The following HMCN2 variants were observed in gnomAD, a reference collection of about 807,000 sequenced individuals.
The protein encoded by HMCN2 is hemicentin 2.
HMCN2 carries 325 observed loss-of-function variants against 377.5 expected under a neutral mutation model. The observed-to-expected ratio is 0.86, with a 90% confidence interval of 0.79 to 0.94. HMCN2 has a LOEUF of 0.94. Ranked by LOEUF, HMCN2 falls within the 40% of genes least tolerant of loss-of-function variation. HMCN2 has a pLI of 0.00. For synonymous variants in HMCN2, 2,007 were observed against 2,046.8 expected, an observed-to-expected ratio of 0.98 and a Z score of 0.53; for missense variants, 4,543 against 4,725.3, an observed-to-expected ratio of 0.96 and a Z score of 1.13.
Position 130,346,178 on chromosome 9 carries a change from G to A in HMCN2, c.3830-988G>A, listed in dbSNP as rs954671207. ...AGCGCTGGCGGAGGTCAGGGGGCAGGTGAGAGCTAGGGCCAGGATGGCAGC... is the reference window on the plus strand; with the variant it reads ...AGCGCTGGCGGAGGTCAGGGGGCAGATGAGAGCTAGGGCCAGGATGGCAGC... On this transcript the variant is annotated intron_variant, in intron 25 of 97. Coordinates refer to ENST00000683500, the MANE Select transcript of HMCN2 (RefSeq NM_001291815.2). Among the ~76,000 whole-genome samples, 199 of 152,240 alleles carry A rather than the reference G, an allele frequency of 1.3e-3. 1 individual carries two copies. Among genetic ancestry groups the A allele is most frequent in the African/African-American group, 4.2e-3 (173 of 41,532 alleles).
intron 49 of HMCN2, among the ~76,000 whole-genome samples, chr9:130,375,246 C>T (rs930614820): frequency 3.9e-5 from 6 of 152,236 alleles, no homozygotes; most frequent in African/African-American, 1.4e-4. Context: ...ACTCCCCCCT[C>T]AAACAGAATT....
At chr9:130,314,218 T>C (rs2131377594) in intron 15 of HMCN2, among the ~76,000 whole-genome samples, 1 of 152,246 alleles carries the variant, frequency 6.6e-6, no homozygotes, top group South Asian at 2.1e-4. Flanking sequence ...TCTCCGGCCA[T>C]CCTTTGGGGA....
In HMCN2 at chr9:130,365,656, C is replaced by T. The variant is rs530847959; in HGVS notation, c.6434C>T (p.Ala2145Val). The T allele has an allele frequency of 3.3e-4, 321 of 986,006 alleles. 1 individual carries two copies. Among genetic ancestry groups the T allele is most frequent in the African/African-American group, 1.2e-3 (66 of 57,358 alleles). The allele number at this position is 986,006 out of a possible 1,614,324, so 61.1% of individuals were successfully genotyped here. A position where few individuals can be genotyped will look rare whatever the true frequency, so the allele number is the denominator to read the frequency against. Reference protein sequence around the residue: ...LQVDRADVWDAGHYTCEALNQ... With the variant: ...LQVDRADVWDVGHYTCEALNQ... ...GTGGACAGAGCCGATGTGTGGGATGCGGGCCATTACACCTGTGAGGCACTG... is the reference window on the plus strand; with the variant it reads ...GTGGACAGAGCCGATGTGTGGGATGTGGGCCATTACACCTGTGAGGCACTG... The change falls in exon 42 of 98, where the codon GCG (alanine) becomes GTG (valine). Residue 2145 changes from alanine to valine, a missense_variant. Physicochemically the swap from Ala to Val is moderately conservative, Grantham distance 64. Around this residue, in one of 5 missense-constraint regions of HMCN2, gnomAD observed 1,032 missense variants for 1,285.1 expected, o/e 0.80. Transcript: ENST00000683500.
chr9:130,392,910 G>A (rs1281176414), intron 66 of HMCN2, among the ~76,000 whole-genome samples: 3 of 151,994 alleles, frequency 2.0e-5, no homozygotes, highest in Non-Finnish European at 4.4e-5. Flanking sequence ...GCAGGAGAAT[G>A]GCGTGAACCC....
intron 60 of HMCN2, 87 bp downstream of exon 60, chr9:130,385,849 C>A: frequency 2.1e-6 from 2 of 971,936 alleles, no homozygotes; most frequent in Non-Finnish European, 2.8e-6. Context: ...GGAAGGTGGG[C>A]AGGATGTGAG....
At chr9:130,431,521 TG>T in intron 96 of HMCN2, 35 bp downstream of exon 96, 1 of 1,543,104 alleles carries the variant, frequency 6.5e-7, no homozygotes. Flanking sequence ...CAAACACCCG[TG>T]GGGCTAGGGC....
In HMCN2 at chr9:130,386,486, C is replaced by T; in HGVS notation, c.9353C>T (p.Ala3118Val). ...GLYSCKVSNV[A>V]GEAVRTFTLT... ...TACAGCTGTAAAGTCAGCAACGTGG[C>T]TGGGGAGGCCGTGCGGACCTTCACC... Residue 3118 changes from alanine to valine, a missense_variant, in exon 61 of 98, where the codon GCT (alanine) becomes GTT (valine). By Grantham distance (64) the Ala-to-Val change is moderately conservative (BLOSUM62 0). This residue lies in a region of HMCN2 where 736 missense variants were observed against 773.2 expected (regional missense o/e 0.95). Transcript: ENST00000683500. 7.7e-7 allele frequency: 1 copy of T among 1,303,848 alleles called. No individual in the cohort carries two copies. Among genetic ancestry groups the T allele is most frequent in the Non-Finnish European group, 1.0e-6 (1 of 988,862 alleles). 80.8% of individuals were successfully genotyped at this position (1,303,848 alleles called of 1,614,324 possible). A position where few individuals can be genotyped will look rare whatever the true frequency, so the allele number is the denominator to read the frequency against.
intron 8 of HMCN2, among the ~76,000 whole-genome samples, chr9:130,300,079 C>G (rs1465705201): frequency 6.6e-6 from 1 of 151,508 alleles, no homozygotes; most frequent in East Asian, 2.0e-4. Context: ...ATCCACTCAC[C>G]CATCCACTCA....
chr9:130,424,659 C>G, intron 87 of HMCN2, 117 bp from the exon 88 acceptor site: 1 of 1,098,410 alleles, frequency 9.1e-7, no homozygotes, highest in Non-Finnish European at 1.2e-6. Context: ...GTATGGACAT[C>G]AAGGGAAGGG....
At chr9:130,311,988 G>C (rs937875433) in intron 15 of HMCN2, among the ~76,000 whole-genome samples, 1 of 152,196 alleles carries the variant, frequency 6.6e-6, no homozygotes, top group Non-Finnish European at 1.5e-5. Context: ...CGCTTCTAGG[G>C]TGTTTGCCAG....
intron 73 of HMCN2, among the ~76,000 whole-genome samples, chr9:130,397,292 C>T (rs751791314): frequency 2.0e-5 from 3 of 152,166 alleles, no homozygotes; most frequent in South Asian, 2.1e-4. Flanking sequence ...TTCACTATCA[C>T]GAGATCAGCA....
At position 130,335,395 on chromosome 9, in the gene HMCN2, C is replaced by T. The variant is rs1177738265; in HGVS notation, c.3360-2499C>T. Among the ~76,000 whole-genome samples the T allele has an allele frequency of 3.9e-5, 6 of 152,094 alleles. No homozygotes were observed. In the South Asian group the frequency reaches 6.2e-4, roughly 16 times the overall value. On this transcript the variant is annotated intron_variant, in intron 22 of 97. Transcript: ENST00000683500. ...TGGAGTGGCAGACAGAGGAGAGCTA[C>T]GCAGGGGAAATGTTTACCCATTGCC...
chr9:130,293,279 GTTTTTTT>G (rs71387339), intron 4 of HMCN2, among the ~76,000 whole-genome samples: 3 of 57,122 alleles, frequency 5.3e-5, no homozygotes, highest in South Asian at 8.3e-4. Context: ...ACTCACTAAA[GTTTTTTT>G]TTTTTTTTTT....
At chr9:130,288,000 A>G (rs545907835) in intron 4 of HMCN2, among the ~76,000 whole-genome samples, 32 of 152,318 alleles carry the variant, frequency 2.1e-4, no homozygotes, top group African/African-American at 6.7e-4. Context: ...GCGACACTTT[A>G]GGCTTCATTT....
Position 130,357,982 on chromosome 9 carries a change from C to A in HMCN2, c.5574C>A (p.Asn1858Lys). ...TAGCCCTGGCAGCCTTTGGGGGGAA[C>A]CTACAGGTATGTGCAGGGGCCCCAG... is the stretch of plus-strand genomic sequence containing the variant. ...DGVALAAFGG[N>K]LQIEKVDLRD... The change falls in exon 35 of 98, where the codon AAC (asparagine) becomes AAA (lysine). Residue 1858 changes from asparagine to lysine, a missense_variant. Coordinates refer to ENST00000683500, the MANE Select transcript of HMCN2 (RefSeq NM_001291815.2). 2 of 1,303,836 alleles carry A rather than the reference C, an allele frequency of 1.5e-6. No individual in the cohort carries two copies. The highest frequency in any genetic ancestry group is 1.2e-5 in the South Asian group (1 of 81,002). The allele number at this position is 1,303,836 out of a possible 1,614,324, so 80.8% of individuals were successfully genotyped here. A position where few individuals can be genotyped will look rare whatever the true frequency, so the allele number is the denominator to read the frequency against.
At chr9:130,385,856 T>C (rs1841998358) in intron 60 of HMCN2, 94 bp downstream of exon 60, 1 of 862,944 alleles carries the variant, frequency 1.2e-6, no homozygotes, top group Non-Finnish European at 1.6e-6. Flanking sequence ...GGGCAGGATG[T>C]GAGTTGCTGC....
intron 77 of HMCN2, 143 bp downstream of exon 77, chr9:130,401,090 C>A: frequency 1.6e-6 from 1 of 637,024 alleles, no homozygotes; most frequent in Non-Finnish European, 2.3e-6. Flanking sequence ...TGGGAGGACC[C>A]TCTCGCCCTC....
At chr9:130,427,841 G>A (rs1844478122) in intron 92 of HMCN2, among the ~76,000 whole-genome samples, 1 of 152,194 alleles carries the variant, frequency 6.6e-6, no homozygotes, top group Non-Finnish European at 1.5e-5. Flanking sequence ...GTATCAGGGG[G>A]TGATGGGCAG....
Position 130,351,747 on chromosome 9 carries a change from G to A in HMCN2, c.4585+170G>A, listed in dbSNP as rs888663098. On this transcript the variant is annotated intron_variant, in intron 30 of 97. Transcript: ENST00000683500. This position sits in a 1 kb window ranked among gnomAD's most constrained non-coding sequence, Gnocchi z 5.4. ...GTCGGGGTTGGGGTCAGGGTCAGGG[G>A]ATAGAGGTTATCTGGCCCAGCATTT... Among the ~76,000 whole-genome samples, 2 of 152,112 alleles carry A rather than the reference G, an allele frequency of 1.3e-5. No homozygotes were observed. The highest frequency in any genetic ancestry group is 2.4e-5 in the African/African-American group (1 of 41,406).
Sources: gnomAD v4.1 joint callset for allele counts (sites outside exome capture counted in the v4.1 genomes callset) on GRCh38, gnomAD v4.1.1 for gene constraint, gnomAD v4.1.1 regional missense constraint, Gnocchi (gnomAD v3.1) non-coding constraint, MANE v1.5 for transcripts, NCBI Gene and HGNC (gene_info 2026-07-23, HGNC 2026-07-21) for gene names.